Variants in CYP20A1 observed in about 807,000 individuals in gnomAD.
CYP20A1 encodes the protein cytochrome P450 family 20 subfamily A member 1.
A neutral mutation model predicts 61.4 loss-of-function variants in CYP20A1; 61 were observed. The observed-to-expected ratio is 0.99, with a 90% CI of 0.81 to 1.23. CYP20A1 has a LOEUF of 1.23. Among genes scored for constraint, CYP20A1 ranks in the 50% most tolerant of loss-of-function variants. The pLI, the probability that CYP20A1 is intolerant of heterozygous loss-of-function variation, is 0.00. For synonymous variants in CYP20A1, 193 were observed against 188.2 expected (o/e 1.03, Z -0.21); for missense variants, 530 against 542.4 (o/e 0.98, Z 0.23).
chr2:203,291,984 C>G (rs1249497048), intron 10 of CYP20A1, among the ~76,000 whole-genome samples: 1 of 152,030 alleles, frequency 6.6e-6, no homozygotes, highest in Non-Finnish European at 1.5e-5. Context: ...CAGCTTCATC[C>G]ATGTCCCTAC....
At chr2:203,239,192 G>C (rs906997881) in intron 1 of CYP20A1, 58 bp downstream of exon 1, 18 of 1,449,002 alleles carry the variant, frequency 1.2e-5, no homozygotes, top group Admixed American at 3.4e-5. Context: ...CTCTGTCGCC[G>C]GCATCCAGGC....
chr2:203,251,440 T>C (rs1228354501), intron 3 of CYP20A1, among the ~76,000 whole-genome samples: 1 of 151,918 alleles, frequency 6.6e-6, no homozygotes, highest in African/African-American at 2.4e-5. Flanking sequence ...TATTGTGTTC[T>C]TGCCAATTTT....
chr2:203,266,429 G>C (rs1302111867), intron 4 of CYP20A1, 85 bp from the exon 5 acceptor site: 2 of 1,205,314 alleles, frequency 1.7e-6, no homozygotes, highest in East Asian at 2.4e-5. Flanking sequence ...TTAACTGTTT[G>C]CCATTAAATG....
intron 4 of CYP20A1, among the ~76,000 whole-genome samples, chr2:203,252,694 T>G (rs1357442023): frequency 6.6e-6 from 1 of 152,060 alleles, no homozygotes; most frequent in African/African-American, 2.4e-5. Context: ...GCTGCTTGGC[T>G]TTGGAGAGTT....
intron 5 of CYP20A1, among the ~76,000 whole-genome samples, chr2:203,267,830 C>T (rs1167712398): frequency 1.4e-5 from 2 of 138,244 alleles, no homozygotes; most frequent in African/African-American, 2.7e-5. Context: ...GGCTACAGAG[C>T]AAGAGTCCAT....
chr2:203,305,417 G>A lies in CYP20A1; in HGVS notation c.*8509G>A, dbSNP rs993897989. On this transcript the variant is annotated 3_prime_UTR_variant, in exon 13 of 13. Coordinates refer to ENST00000356079, the MANE Select transcript of CYP20A1 (RefSeq NM_177538.3). ...GGATTTCACCATGTTTGCCAGGATGGTCTCGATCTCTTGTGCTCATAATCT... is the reference window on the plus strand; with the variant it reads ...GGATTTCACCATGTTTGCCAGGATGATCTCGATCTCTTGTGCTCATAATCT... 1 of 151,764 alleles carries A rather than the reference G, an allele frequency of 6.6e-6. No individual in the cohort carries two copies. The highest frequency in any genetic ancestry group is 2.4e-5 in the African/African-American group (1 of 41,278). The allele number at this position is 151,764 out of a possible 1,614,324, so 9.4% of individuals were successfully genotyped here.
At chr2:203,242,079 T>A (rs375016356) in intron 1 of CYP20A1, among the ~76,000 whole-genome samples, 1 of 152,174 alleles carries the variant, frequency 6.6e-6, no homozygotes, top group Non-Finnish European at 1.5e-5. Context: ...TGACCTCAAG[T>A]GATCTGCCCA....
At chr2:203,242,706 G>A (rs1029939417) in intron 1 of CYP20A1, among the ~76,000 whole-genome samples, 3 of 151,892 alleles carry the variant, frequency 2.0e-5, no homozygotes, top group Non-Finnish European at 4.4e-5. Flanking sequence ...CAGGAGGATC[G>A]CTTGAGCCTG....
At chr2:203,249,108 T>C (rs934519761) in intron 3 of CYP20A1, among the ~76,000 whole-genome samples, 2 of 152,242 alleles carry the variant, frequency 1.3e-5, no homozygotes, top group African/African-American at 4.8e-5. Context: ...AAATTTTTTC[T>C]CTTTGGTTGG....
intron 4 of CYP20A1, among the ~76,000 whole-genome samples, chr2:203,264,197 G>A (rs2067243404): frequency 6.6e-6 from 1 of 151,930 alleles, no homozygotes; most frequent in Admixed American, 6.6e-5. Context: ...GTGTTGCCCA[G>A]GTTTGTCTCA....
chr2:203,271,149 G>A (rs112608529), intron 5 of CYP20A1, among the ~76,000 whole-genome samples: 19,697 of 128,168 alleles, frequency 0.15, 1,747 homozygotes, highest in Middle Eastern at 0.29. Context: ...GTGCAGTGGC[G>A]CCATCTTGGC....
intron 10 of CYP20A1, 60 bp downstream of exon 10, chr2:203,289,936 G>GC: frequency 1.3e-6 from 1 of 792,414 alleles, no homozygotes; most frequent in Non-Finnish European, 2.0e-6. Flanking sequence ...TGGTGTGTGT[G>GC]TGTGTATATA....
At chr2:203,246,020 C>T (rs1171914818) in intron 2 of CYP20A1, 125 bp downstream of exon 2, 8 of 641,702 alleles carry the variant, frequency 1.2e-5, no homozygotes, top group Admixed American at 3.1e-5. Flanking sequence ...GGTGGAAGAT[C>T]GCTTGAGGCC....
intron 4 of CYP20A1, among the ~76,000 whole-genome samples, chr2:203,254,749 G>A (rs2066831642): frequency 6.6e-6 from 1 of 152,106 alleles, no homozygotes; most frequent in Non-Finnish European, 1.5e-5. Flanking sequence ...AGCACTTTGA[G>A]AGGCTGAGGT....
intron 1 of CYP20A1, among the ~76,000 whole-genome samples, chr2:203,241,505 A>C (rs1363767941): frequency 6.6e-6 from 1 of 152,198 alleles, no homozygotes; most frequent in Non-Finnish European, 1.5e-5. Flanking sequence ...TTAATGGTTG[A>C]GGAGAGAAAG....
At chr2:203,275,592 G>A (rs1193635304) in intron 6 of CYP20A1, among the ~76,000 whole-genome samples, 2 of 151,798 alleles carry the variant, frequency 1.3e-5, no homozygotes, top group East Asian at 1.9e-4. Flanking sequence ...GACGCCTGCC[G>A]CCGTGCTCAA....
chr2:203,260,887 C>G (rs1245184125), intron 4 of CYP20A1, among the ~76,000 whole-genome samples: 1 of 152,072 alleles, frequency 6.6e-6, no homozygotes, highest in Non-Finnish European at 1.5e-5. Flanking sequence ...AGTTTGTTTT[C>G]CTGCTTTATT....
chr2:203,303,924 T>C lies in CYP20A1; in HGVS notation c.*7016T>C, dbSNP rs1416098401. 6.7e-6 allele frequency among the ~76,000 whole-genome samples: 1 copy of C among 150,338 alleles called. No homozygotes were observed. The highest frequency in any genetic ancestry group is 1.5e-5 in the Non-Finnish European group (1 of 67,564). ...TTGAGAGAATAATATACCACTAATATTTAAAGAAATTTTTGGCTGGTGCCG... is the reference window on the plus strand; with the variant it reads ...TTGAGAGAATAATATACCACTAATACTTAAAGAAATTTTTGGCTGGTGCCG... On this transcript the variant is annotated 3_prime_UTR_variant, in exon 13 of 13. Coordinates refer to ENST00000356079, the MANE Select transcript of CYP20A1 (RefSeq NM_177538.3).
At chr2:203,282,578 G>A (rs2068089620) in intron 8 of CYP20A1, among the ~76,000 whole-genome samples, 1 of 151,854 alleles carries the variant, frequency 6.6e-6, no homozygotes, top group Non-Finnish European at 1.5e-5. Flanking sequence ...CTTGTGCTCC[G>A]GACACCAAGA....
Sources: gnomAD v4.1 joint callset for allele counts (sites outside exome capture counted in the v4.1 genomes callset) on GRCh38, gnomAD v4.1.1 for gene constraint, MANE v1.5 for transcripts, NCBI Gene and HGNC (gene_info 2026-07-23, HGNC 2026-07-21) for gene names.